The following ALK variants were observed in gnomAD, a reference collection of about 807,000 sequenced individuals.
ALK encodes ALK receptor tyrosine kinase.
In ALK, 74 loss-of-function variants were observed where a neutral mutation model predicts 163.1. The ratio of observed to expected loss-of-function variants is 0.45; its 90% CI spans 0.38 to 0.55. ALK has a LOEUF of 0.55. Ranked by LOEUF, ALK falls within the 20% of genes least tolerant of loss-of-function variation. The pLI is 0.00. For missense variants in ALK, 2,063 were observed against 2,105.3 expected, an observed-to-expected ratio of 0.98 and a Z score of 0.39; for synonymous variants, 960 against 843.2, an observed-to-expected ratio of 1.14 and a Z score of -2.40.
chr2:29,428,938 G>T (rs116296333), intron 4 of ALK, among the ~76,000 whole-genome samples: 1 of 151,908 alleles, frequency 6.6e-6, no homozygotes, highest in African/African-American at 2.4e-5. Context: ...TTTATTACAA[G>T]ATTGACTTAA....
chr2:29,616,615 T>C (rs1449319156), intron 3 of ALK, among the ~76,000 whole-genome samples: 1 of 152,182 alleles, frequency 6.6e-6, no homozygotes, highest in Non-Finnish European at 1.5e-5. Context: ...TCTGAAATTC[T>C]TACAGTTAAG....
At chr2:29,680,356 G>C (rs901865257) in intron 3 of ALK, among the ~76,000 whole-genome samples, 9 of 151,960 alleles carry the variant, frequency 5.9e-5, no homozygotes, top group African/African-American at 2.2e-4. Flanking sequence ...CTTAGGATCT[G>C]AACATTTTTC....
At chr2:29,411,300 T>C (rs1389193324) in intron 4 of ALK, among the ~76,000 whole-genome samples, 1 of 152,318 alleles carries the variant, frequency 6.6e-6, no homozygotes, top group Non-Finnish European at 1.5e-5. Flanking sequence ...GGGCCCTGCC[T>C]GAGGCTGTTC....
At chr2:29,565,521 C>A (rs1393670808) in intron 3 of ALK, among the ~76,000 whole-genome samples, 4 of 152,166 alleles carry the variant, frequency 2.6e-5, no homozygotes, top group African/African-American at 9.7e-5. Context: ...CTCAGATAGC[C>A]ACAGCAGCAG....
At chr2:29,826,593 G>A (rs754147593) in intron 1 of ALK, among the ~76,000 whole-genome samples, 23 of 152,054 alleles carry the variant, frequency 1.5e-4, no homozygotes, top group Non-Finnish European at 2.8e-4. Flanking sequence ...CTCTTTCTGT[G>A]CTTGAAGCAG....
chr2:29,801,719 A>C (rs1664472404), intron 1 of ALK, among the ~76,000 whole-genome samples: 1 of 152,132 alleles, frequency 6.6e-6, no homozygotes. Flanking sequence ...GCTAGTGCAA[A>C]CCATAAAAGT....
chr2:29,532,112 G>A lies in ALK; in HGVS notation c.957C>T (p.Ser319=), dbSNP rs1673137075. 6.2e-7 allele frequency: 1 copy of A among 1,614,022 alleles called. No homozygotes were observed. Among genetic ancestry groups the A allele is most frequent in the Non-Finnish European group, 8.5e-7 (1 of 1,179,976 alleles). ...CAGCTGAGGTGTTGAGAAGGAGAAA[G>A]GAGCCTGGAAAGAGACAGGGAAAAC... is the stretch of plus-strand genomic sequence containing the variant. ...AERSKEMPRG[S]FLLLNTSADS... is the part of the protein sequence containing the mutation. Residue 319 remains serine, a synonymous_variant, in exon 4 of 29, where the codon TCC becomes TCT. Coordinates refer to ENST00000389048, the MANE Select transcript of ALK (RefSeq NM_004304.5).
At chr2:29,243,217 G>T (rs1664569855) in intron 12 of ALK, among the ~76,000 whole-genome samples, 1 of 152,176 alleles carries the variant, frequency 6.6e-6, no homozygotes, top group Non-Finnish European at 1.5e-5. Flanking sequence ...GGAGGACCTT[G>T]CACTCGACTG....
rs2148215373 is a variant in ALK at position 29,275,387 on chromosome 2, T to G, written c.1912+15A>C. 2 of 1,613,578 alleles carry G rather than the reference T, an allele frequency of 1.2e-6. No homozygotes were observed. Among genetic ancestry groups the G allele is most frequent in the Non-Finnish European group, 1.7e-6 (2 of 1,179,698 alleles). The stretch of plus-strand genomic sequence containing the variant: ...GGGGTTGGGGGACAGAGTGCTGGGG[T>G]CAGAGTGAACTCACTGGTGAGGTAG... On this transcript the variant is annotated intron_variant, in intron 10 of 28. Transcript: ENST00000389048.
At chr2:29,782,648 G>T (rs1663866348) in intron 1 of ALK, among the ~76,000 whole-genome samples, 1 of 152,012 alleles carries the variant, frequency 6.6e-6, no homozygotes, top group Admixed American at 6.6e-5. Context: ...ATACCTTTAG[G>T]AGGCAGATTG....
intron 3 of ALK, among the ~76,000 whole-genome samples, chr2:29,598,668 T>C (rs890339288): frequency 1.3e-5 from 2 of 152,102 alleles, no homozygotes; most frequent in African/African-American, 2.4e-5. Context: ...ACAGAATATA[T>C]ACTATAATGT....
chr2:29,366,161 A>C (rs1188535423), intron 5 of ALK, among the ~76,000 whole-genome samples: 2 of 152,152 alleles, frequency 1.3e-5, no homozygotes. Flanking sequence ...GATAGGCCCC[A>C]AAACCTAGAT....
chr2:29,300,854 G>A (rs1352637386), intron 8 of ALK, among the ~76,000 whole-genome samples: 2 of 152,184 alleles, frequency 1.3e-5, no homozygotes, highest in African/African-American at 4.8e-5. Context: ...GAGAACTAGA[G>A]AGGCCACTGA....
chr2:29,719,682 C>T (rs1197460404), intron 1 of ALK, among the ~76,000 whole-genome samples: 1 of 152,172 alleles, frequency 6.6e-6, no homozygotes, highest in Non-Finnish European at 1.5e-5. Flanking sequence ...ACCTTGACTA[C>T]AGCCACACAG....
intron 5 of ALK, among the ~76,000 whole-genome samples, chr2:29,372,244 T>C (rs996897673): frequency 6.6e-6 from 1 of 152,178 alleles, no homozygotes; most frequent in Non-Finnish European, 1.5e-5. Flanking sequence ...GCCAAATGCC[T>C]TTAGCCTCCT....
chr2:29,347,483 C>A (rs1290059014), intron 5 of ALK, among the ~76,000 whole-genome samples: 1 of 152,184 alleles, frequency 6.6e-6, no homozygotes, highest in Non-Finnish European at 1.5e-5. Context: ...ATACTCTGAG[C>A]TGCTGGGAGC....
At chr2:29,418,328 G>A (rs1267995230) in intron 4 of ALK, among the ~76,000 whole-genome samples, 2 of 152,160 alleles carry the variant, frequency 1.3e-5, no homozygotes, top group Non-Finnish European at 2.9e-5. Flanking sequence ...TAGCCCCGAG[G>A]TCCAAGTTTT....
At chr2:29,823,493 T>C (rs1170937005) in intron 1 of ALK, among the ~76,000 whole-genome samples, 1 of 152,186 alleles carries the variant, frequency 6.6e-6, no homozygotes, top group African/African-American at 2.4e-5. Context: ...TTGAATGGCT[T>C]TGACCAAAAT....
In ALK at chr2:29,830,155, A is replaced by G. The variant is rs528803858; in HGVS notation, c.667+89838T>C. ...GCTCTTGGCTGTAAATACTTTCAGG[A>G]AAACTTGTTTTCTATTATTTATTTC... is the stretch of plus-strand genomic sequence containing the variant. On this transcript the variant is annotated intron_variant, in intron 1 of 28. Coordinates refer to ENST00000389048, the MANE Select transcript of ALK (RefSeq NM_004304.5). Among the ~76,000 whole-genome samples, 4 of 152,318 alleles carry G rather than the reference A, an allele frequency of 2.6e-5. No homozygotes were observed. The East Asian group carries it at 7.7e-4, about 29-fold the overall frequency.
Sources: allele counts gnomAD v4.1 joint callset (sites outside exome capture counted in the v4.1 genomes callset), GRCh38; gene constraint gnomAD v4.1.1; transcripts MANE v1.5; gene names NCBI Gene and HGNC (gene_info 2026-07-23, HGNC 2026-07-21).